FGD5: variants seen among roughly 807,000 people sequenced by gnomAD.
The protein encoded by FGD5 is FYVE, RhoGEF and PH domain-containing protein 5.
FGD5 carries 28 observed loss-of-function variants against 133.4 expected under a neutral mutation model. The observed-to-expected ratio is 0.21, with a 90% CI of 0.16 to 0.29. The LOEUF is 0.29. Ranked by LOEUF, FGD5 falls within the 10% of genes least tolerant of loss-of-function variation. The probability of loss-of-function intolerance (pLI) is 1.00; values close to 1 mark genes in which losing one functional copy is unlikely to be tolerated. For synonymous variants in FGD5, 810 were observed against 776.5 expected, an observed-to-expected ratio of 1.04 and a Z score of -0.72; for missense variants, 1,858 against 1,895.2, an observed-to-expected ratio of 0.98 and a Z score of 0.36.
At chr3:14,931,870 T>TTAGA (rs1259762899) in intron 18 of FGD5, 1 of 152,138 alleles carries the variant, frequency 6.6e-6, no homozygotes, top group Non-Finnish European at 1.5e-5. Flanking sequence ...GAATGTGGGG[T>TTAGA]TAGAAGGTGG....
At position 14,821,129 on chromosome 3, in the gene FGD5, C is replaced by T. The variant is rs151190469; in HGVS notation, c.2058C>T (p.Tyr686=). Residue 686 remains tyrosine (Y), a synonymous_variant, in exon 1 of 20, where the codon TAC becomes TAT. Transcript: ENST00000285046. ...CTAGGTCCTCTTCAGAGTCCAGCTA[C>T]CACGGGCCTTCCAGGATTCTGGAAG... ...SSSRSSSESS[Y]HGPSRILEVD... is the part of the protein sequence containing the mutation. 5.5e-3 allele frequency: 8,879 copies of T among 1,613,994 alleles called. 28 individuals are homozygous for T. Among genetic ancestry groups the T allele is most frequent in the Non-Finnish European group, 6.9e-3 (8,133 of 1,179,882 alleles).
At chr3:14,864,497 G>A (rs1179123053) in intron 2 of FGD5, among the ~76,000 whole-genome samples, 1 of 152,230 alleles carries the variant, frequency 6.6e-6, no homozygotes, top group East Asian at 1.9e-4. Flanking sequence ...GTCTGATGAA[G>A]TTTGGGGCTT....
intron 1 of FGD5, among the ~76,000 whole-genome samples, chr3:14,850,138 G>T (rs945477344): frequency 6.6e-6 from 1 of 152,196 alleles, no homozygotes; most frequent in African/African-American, 2.4e-5. Flanking sequence ...CTGTGGTCTG[G>T]CTTCCTCTGA....
Position 14,898,214 on chromosome 3 carries a change from A to G in FGD5, c.3066+119A>G. On this transcript the variant is annotated intron_variant, in intron 6 of 19. Transcript: ENST00000285046. ...GTGTGGGGCTGGGGAGCAGACAGGG[A>G]AGACCTGGCCAGAGGGATGAGAGGA... 4 of 1,339,404 alleles carry G rather than the reference A, an allele frequency of 3.0e-6. No homozygotes were observed. In the South Asian group the frequency reaches 5.2e-5, roughly 18 times the overall value. The allele number at this position is 1,339,404 out of a possible 1,614,324, so 83.0% of individuals were successfully genotyped here.
Position 14,922,467 on chromosome 3 carries a change from C to T in FGD5, c.3726C>T (p.Val1242=). 6.3e-7 allele frequency: 1 copy of T among 1,576,726 alleles called. No individual in the cohort carries two copies. Among genetic ancestry groups the T allele is most frequent in the East Asian group, 2.3e-5 (1 of 42,802 alleles). The change falls in exon 15 of 20, where the codon GTC becomes GTT. Residue 1242 remains valine (V), a synonymous_variant. Coordinates refer to ENST00000285046, the MANE Select transcript of FGD5 (RefSeq NM_152536.4). This position sits in a 1 kb window ranked among gnomAD's most constrained non-coding sequence, Gnocchi z 4.1. ...LGERPPTLVP[V]THVMMCMNCG... ...AGAGGCCCCCCACCCTGGTGCCTGT[C>T]ACACACGTCATGATGTGCATGAACT...
Position 14,820,370 on chromosome 3 carries a change from A to G in FGD5, c.1299A>G (p.Gly433=). ...DDALANPYVM[G]VGLPGQAAPG... is the part of the protein sequence containing the mutation. Reference sequence around the variant, plus strand: ...CACTGGCCAACCCCTATGTGATGGGAGTGGGCCTGCCCGGTCAGGCGGCCC... The same window carrying G: ...CACTGGCCAACCCCTATGTGATGGGGGTGGGCCTGCCCGGTCAGGCGGCCC... The change falls in exon 1 of 20, where the codon GGA becomes GGG. Residue 433 remains glycine (G), a synonymous_variant. Coordinates refer to ENST00000285046, the MANE Select transcript of FGD5 (RefSeq NM_152536.4). 2 of 1,613,652 alleles carry G rather than the reference A, an allele frequency of 1.2e-6. No homozygotes were observed. The highest frequency in any genetic ancestry group is 1.7e-6 in the Non-Finnish European group (2 of 1,179,756).
chr3:14,887,289 A>T (rs1189014291), intron 4 of FGD5, among the ~76,000 whole-genome samples: 1 of 152,124 alleles, frequency 6.6e-6, no homozygotes, highest in South Asian at 2.1e-4. Flanking sequence ...GTGGCTTGTG[A>T]TGCCTGGTAC....
At chr3:14,912,484 G>A (rs1218926438) in intron 11 of FGD5, among the ~76,000 whole-genome samples, 3 of 152,200 alleles carry the variant, frequency 2.0e-5, no homozygotes, top group East Asian at 1.9e-4. Flanking sequence ...TTAGATTTGG[G>A]TTCTCAGAAG....
At chr3:14,835,156 G>A (rs1196789651) in intron 1 of FGD5, among the ~76,000 whole-genome samples, 1 of 152,204 alleles carries the variant, frequency 6.6e-6, no homozygotes, top group Non-Finnish European at 1.5e-5. Flanking sequence ...CACAGTGGGT[G>A]TGCACAGAGA....
chr3:14,889,846 T>C (rs987533140), intron 4 of FGD5, among the ~76,000 whole-genome samples: 8 of 152,150 alleles, frequency 5.3e-5, no homozygotes, highest in Non-Finnish European at 1.0e-4. Context: ...CGCTTTTGAA[T>C]GTTTCTTTTG....
chr3:14,887,810 G>T (rs2037952703), intron 4 of FGD5, among the ~76,000 whole-genome samples: 2 of 152,098 alleles, frequency 1.3e-5, no homozygotes, highest in African/African-American at 4.8e-5. Context: ...TGGGGGTGCA[G>T]TGAAGAAGGC....
chr3:14,924,169 GT>G, intron 17 of FGD5, 31 bp downstream of exon 17: 1 of 1,613,800 alleles, frequency 6.2e-7, no homozygotes, highest in Non-Finnish European at 8.5e-7. Context: ...CAAGTGGGAA[GT>G]AGGGCATTTG....
rs1400135697 is a variant in FGD5 at position 14,922,120 on chromosome 3, C to T, written c.3669+103C>T. On this transcript the variant is annotated intron_variant, in intron 14 of 19. Transcript: ENST00000285046. This position sits in a 1 kb window ranked among gnomAD's most constrained non-coding sequence, Gnocchi z 4.1. ...TCACACCCAGATGGACGTGTAGCTC[C>T]TGTCTTGGGGCACTGGCTCCCCCCA... is the stretch of plus-strand genomic sequence containing the variant. 4 of 1,270,964 alleles carry T rather than the reference C, an allele frequency of 3.1e-6. No homozygotes were observed. The highest frequency in any genetic ancestry group is 1.1e-6 in the Non-Finnish European group (1 of 903,218). The allele number at this position is 1,270,964 out of a possible 1,614,324, so 78.7% of individuals were successfully genotyped here.
Position 14,821,169 on chromosome 3 carries a change from C to G in FGD5, c.2098C>G (p.Leu700Val). 1 of 1,613,950 alleles carries G rather than the reference C, an allele frequency of 6.2e-7. No homozygotes were observed. The highest frequency in any genetic ancestry group is 2.2e-5 in the East Asian group (1 of 44,870). The change falls in exon 1 of 20, where the codon CTC (leucine) becomes GTC (valine). Residue 700 changes from leucine to valine, a missense_variant. Leu to Val is a conservative substitution (Grantham distance 32). This residue lies in a region of FGD5 where 1,824 missense variants were observed against 1,848.9 expected (regional missense o/e 0.99). Coordinates refer to ENST00000285046, the MANE Select transcript of FGD5 (RefSeq NM_152536.4). ...GATTCTGGAAGTTGACCGGAGAAGC[C>G]TCAGCAACTCCCCTCAGCTTAAGTC... The part of the protein sequence containing the change: ...SRILEVDRRS[L>V]SNSPQLKSRT...
At chr3:14,864,387 A>G in intron 2 of FGD5, 127 bp downstream of exon 2, 1 of 1,428,504 alleles carries the variant, frequency 7.0e-7, no homozygotes, top group African/African-American at 1.4e-5. Flanking sequence ...AGCTGGATGC[A>G]GGGGCTGAGA....
chr3:14,921,322 G>A (rs986658796), intron 13 of FGD5: 9 of 153,928 alleles, frequency 5.8e-5, no homozygotes, highest in South Asian at 2.0e-4. Context: ...TGGTGTAGGC[G>A]CGGCATCTAG....
chr3:14,921,092 G>A (rs144475092), intron 13 of FGD5, among the ~76,000 whole-genome samples: 7 of 152,346 alleles, frequency 4.6e-5, no homozygotes, highest in Admixed American at 1.3e-4. Flanking sequence ...CATCTCCCAG[G>A]GCAAGGACAG....
At chr3:14,870,148 TGGCATGAG>T (rs2037577961) in intron 2 of FGD5, among the ~76,000 whole-genome samples, 1 of 61,364 alleles carries the variant, frequency 1.6e-5, no homozygotes, top group African/African-American at 7.0e-5. Context: ...GGAGCCCGAA[TGGCATGAG>T]GGAGCCCGCA....
At chr3:14,830,558 C>T (rs7635983) in intron 1 of FGD5, among the ~76,000 whole-genome samples, 118,965 of 152,172 alleles carry the variant, frequency 0.78, 46,951 homozygotes, top group African/African-American at 0.88. Flanking sequence ...GGTTTCTCCC[C>T]GTAGGAGGTG....
Sources: allele counts gnomAD v4.1 joint callset (sites outside exome capture counted in the v4.1 genomes callset), GRCh38; gene constraint gnomAD v4.1.1; regional missense constraint gnomAD v4.1.1; non-coding constraint Gnocchi (gnomAD v3.1); transcripts MANE v1.5; gene names NCBI Gene and HGNC (gene_info 2026-07-23, HGNC 2026-07-21).